GSTZ1: variants seen among roughly 807,000 people sequenced by gnomAD.
GSTZ1 encodes maleylacetoacetate isomerase.
In GSTZ1, 34 loss-of-function variants were observed where a neutral mutation model predicts 35.9. The observed-to-expected ratio is 0.95, with a 90% CI of 0.72 to 1.26. The LOEUF is 1.26. Among genes scored for constraint, GSTZ1 ranks in the 50% most tolerant of loss-of-function variants. GSTZ1 has a pLI of 0.00. For synonymous variants in GSTZ1, 93 were observed against 101.2 expected, an observed-to-expected ratio of 0.92 and a Z score of 0.49; for missense variants, 263 against 271.7, an observed-to-expected ratio of 0.97 and a Z score of 0.23.
At chr14:77,328,982 G>T (rs1892473749) in intron 5 of GSTZ1, 141 bp from the exon 6 acceptor site, 7 of 697,904 alleles carry the variant, frequency 1.0e-5, no homozygotes, top group Non-Finnish European at 1.8e-5. Flanking sequence ...GTTGAAGGAA[G>T]GGGCTCATGG....
intron 1 of GSTZ1, chr14:77,324,330 A>G: frequency 2.1e-6 from 1 of 471,914 alleles, no homozygotes; most frequent in South Asian, 2.3e-5. Context: ...TATTTTCAGT[A>G]GAGACAGGGT....
At chr14:77,328,088 TCA>T (rs746400936) in intron 5 of GSTZ1, 51 bp downstream of exon 5, 16 of 1,597,134 alleles carry the variant, frequency 1.0e-5, no homozygotes, top group Non-Finnish European at 1.4e-5. Context: ...ACTCTTACAC[TCA>T]CACATTGGCT....
intron 8 of GSTZ1, 71 bp from the exon 9 acceptor site, chr14:77,330,993 TGCTCC>T: frequency 6.9e-7 from 1 of 1,452,500 alleles, no homozygotes; most frequent in Non-Finnish European, 9.5e-7. Flanking sequence ...CCTGCCTCTC[TGCTCC>T]CCCTGCTGCA....
rs560825830 is a variant in GSTZ1, at chr14:77,321,611, C to T, written c.15+428C>T. On this transcript the variant is annotated intron_variant, in intron 1 of 8. Coordinates refer to ENST00000216465, the MANE Select transcript of GSTZ1 (RefSeq NM_145870.3). The stretch of plus-strand genomic sequence containing the variant: ...ATTTTAAGAGTCCCCGGGCCGGGCG[C>T]GGTGGCTCACGCCTGTAATCCCAGC... 1,487 of 1,000,556 alleles carry T rather than the reference C, an allele frequency of 1.5e-3. 2 individuals are homozygous for T. Among genetic ancestry groups the T allele is most frequent in the Non-Finnish European group, 1.7e-3 (1,354 of 781,776 alleles). 62.0% of individuals were successfully genotyped at this position (1,000,556 alleles called of 1,614,324 possible). A position where few individuals can be genotyped will look rare whatever the true frequency, so the allele number is the denominator to read the frequency against.
intron 1 of GSTZ1, among the ~76,000 whole-genome samples, chr14:77,321,726 CA>C (rs549289849): frequency 6.6e-6 from 1 of 151,986 alleles, no homozygotes; most frequent in African/African-American, 2.4e-5. Flanking sequence ...TATTAAAATA[CA>C]AAAAAATTAG....
At chr14:77,324,702 G>A (rs1296705240) in intron 1 of GSTZ1, 168 bp from the exon 2 acceptor site, 3 of 1,221,306 alleles carry the variant, frequency 2.5e-6, no homozygotes, top group Admixed American at 2.0e-5. Context: ...TAATTTTGGA[G>A]CCAAGGGACC....
chr14:77,321,325 G>C, intron 1 of GSTZ1, 142 bp downstream of exon 1: 1 of 1,529,926 alleles, frequency 6.5e-7, no homozygotes, highest in Non-Finnish European at 8.8e-7. Flanking sequence ...CACGCTCTGC[G>C]CCTGCGTGCT....
intron 2 of GSTZ1, chr14:77,326,116 A>G (rs1892302034): frequency 6.6e-6 from 1 of 152,270 alleles, no homozygotes; most frequent in African/African-American, 2.4e-5. Flanking sequence ...TGTGTGTAAT[A>G]CACACATGCA....
At position 77,329,188 on chromosome 14, in the gene GSTZ1, T is replaced by G. The variant is rs1272158711; in HGVS notation, c.408T>G (p.Thr136=). ...TGACCTGGGCCCAGAACGCCATCAC[T>G]TGTGGCTTTAACGGTGAGTCCTCAC... ...MQLTWAQNAI[T]CGFNALEQIL... is the part of the protein sequence containing the mutation. Residue 136 remains threonine, a synonymous_variant, in exon 6 of 9, where the codon ACT becomes ACG. Transcript: ENST00000216465. 1 of 1,609,032 alleles carries G rather than the reference T, an allele frequency of 6.2e-7. No individual in the cohort carries two copies. The highest frequency in any genetic ancestry group is 2.2e-5 in the East Asian group (1 of 44,858).
At chr14:77,328,943 G>A in intron 5 of GSTZ1, 180 bp from the exon 6 acceptor site, 1 of 598,880 alleles carries the variant, frequency 1.7e-6, no homozygotes, top group Non-Finnish European at 3.0e-6. Context: ...TGCTGGGATG[G>A]CTACCTCCCT....
At chr14:77,328,990 T>C (rs777729802) in intron 5 of GSTZ1, 133 bp from the exon 6 acceptor site, 3 of 728,772 alleles carry the variant, frequency 4.1e-6, no homozygotes, top group Non-Finnish European at 7.5e-6. Context: ...AAGGGGCTCA[T>C]GGAGCCTGGG....
chr14:77,323,339 A>T (rs1295729605), intron 1 of GSTZ1: 1 of 151,940 alleles, frequency 6.6e-6, no homozygotes, highest in Non-Finnish European at 1.5e-5. Flanking sequence ...TTTTATTTTT[A>T]TTTTATTTTA....
chr14:77,331,292 G>T lies in GSTZ1; in HGVS notation c.*97G>T. On this transcript the variant is annotated 3_prime_UTR_variant, in exon 9 of 9. Coordinates refer to ENST00000216465, the MANE Select transcript of GSTZ1 (RefSeq NM_145870.3). ...GAGAGTCTTAATTGAGGAGATGGGA[G>T]ACTCGAACTCTAGCCCTGGATCTGC... 2.2e-6 allele frequency: 3 copies of T among 1,367,984 alleles called. 1 individual carries two copies. Among genetic ancestry groups the T allele is most frequent in the Middle Eastern group, 4.5e-4 (2 of 4,466 alleles). 84.7% of individuals were successfully genotyped at this position (1,367,984 alleles called of 1,614,324 possible).
At chr14:77,322,513 G>A (rs1892072995) in intron 1 of GSTZ1, 2 of 804,032 alleles carry the variant, frequency 2.5e-6, no homozygotes, top group African/African-American at 1.9e-5. Context: ...TTTCTTCAGG[G>A]ATTCTAAGCT....
At position 77,321,237 on chromosome 14, in the gene GSTZ1, G is replaced by C. The variant is rs752080608; in HGVS notation, c.15+54G>C. ...AGCTGGTTAGACACCTGGAGACCCT[G>C]GGGGGCGGGGTCAGAAGTGAGCTGC... On this transcript the variant is annotated intron_variant, in intron 1 of 8. Transcript: ENST00000216465. The C allele has an allele frequency of 5.2e-6, 8 of 1,533,060 alleles. No individual in the cohort carries two copies. The Middle Eastern group carries it at 1.4e-3, about 261-fold the overall frequency. 95.0% of individuals were successfully genotyped at this position (1,533,060 alleles called of 1,614,324 possible).
chr14:77,321,222 A>G (rs1891921280), intron 1 of GSTZ1, 39 bp downstream of exon 1: 1 of 1,520,402 alleles, frequency 6.6e-7, no homozygotes, highest in African/African-American at 1.4e-5. Flanking sequence ...AGCTGGTTAG[A>G]CACCTGGAGA....
intron 3 of GSTZ1, chr14:77,327,230 CGG>C: frequency 1.7e-6 from 1 of 595,572 alleles, no homozygotes; most frequent in South Asian, 2.0e-5. Flanking sequence ...TTGGTGGCCA[CGG>C]TGTGAGATGC....
At chr14:77,328,981 A>AG (rs1892473894) in intron 5 of GSTZ1, 142 bp from the exon 6 acceptor site, 4 of 694,782 alleles carry the variant, frequency 5.8e-6, no homozygotes, top group Non-Finnish European at 1.0e-5. Flanking sequence ...GGTTGAAGGA[A>AG]GGGGCTCATG....
chr14:77,324,593 C>T (rs1892208861), intron 1 of GSTZ1: 2 of 1,534,218 alleles, frequency 1.3e-6, no homozygotes, highest in Non-Finnish European at 1.7e-6. Context: ...GGCTGAGGGT[C>T]ACCACGATAC....
Sources: gnomAD v4.1 joint callset for allele counts (sites outside exome capture counted in the v4.1 genomes callset) on GRCh38, gnomAD v4.1.1 for gene constraint, MANE v1.5 for transcripts, NCBI Gene and HGNC (gene_info 2026-07-23, HGNC 2026-07-21) for gene names.